Variants in UVRAG observed in about 807,000 individuals in gnomAD.
UVRAG encodes UV radiation resistance-associated gene protein.
A neutral mutation model predicts 78.0 loss-of-function variants in UVRAG; 19 were observed. The ratio of observed to expected loss-of-function variants is 0.24; its 90% confidence interval spans 0.17 to 0.36. The LOEUF (loss-of-function observed/expected upper bound fraction) is 0.36. Among genes scored for constraint, UVRAG ranks in the 10% least tolerant of loss-of-function variants. The pLI is 1.00. For synonymous variants in UVRAG, 323 were observed against 324.6 expected (o/e 1.00, Z 0.05); for missense variants, 740 against 853.8 (o/e 0.87, Z 1.66).
At chr11:75,961,399 T>C in intron 6 of UVRAG, 45 bp from the exon 7 acceptor site, 1 of 1,482,462 alleles carries the variant, frequency 6.7e-7, no homozygotes, top group Non-Finnish European at 9.1e-7. Context: ...CTTTGTTGAG[T>C]TTACTGTTAA....
intron 1 of UVRAG, among the ~76,000 whole-genome samples, chr11:75,846,863 G>A (rs1002018462): frequency 2.0e-5 from 3 of 150,998 alleles, no homozygotes; most frequent in African/African-American, 2.4e-5. Flanking sequence ...TTGCTCTGTC[G>A]CATAGGCTAT....
chr11:75,978,482 C>T (rs1565100649), intron 7 of UVRAG, among the ~76,000 whole-genome samples: 1 of 152,106 alleles, frequency 6.6e-6, no homozygotes, highest in Non-Finnish European at 1.5e-5. Flanking sequence ...TGGTTCCATC[C>T]TCCCCATCAC....
intron 6 of UVRAG, among the ~76,000 whole-genome samples, chr11:75,942,765 G>T (rs545137105): frequency 5.4e-4 from 83 of 152,294 alleles, no homozygotes; most frequent in African/African-American, 2.0e-3. Flanking sequence ...AGTTGAATAA[G>T]ATTTAGCTTG....
intron 14 of UVRAG, among the ~76,000 whole-genome samples, chr11:76,122,887 CT>C (rs1226454293): frequency 1.3e-5 from 2 of 152,210 alleles, no homozygotes; most frequent in Non-Finnish European, 2.9e-5. Flanking sequence ...AAATCTCTTA[CT>C]TGCAAAACTT....
intron 1 of UVRAG, among the ~76,000 whole-genome samples, chr11:75,838,563 G>T (rs1017985805): frequency 6.6e-5 from 10 of 151,944 alleles, no homozygotes; most frequent in Non-Finnish European, 1.2e-4. Flanking sequence ...ATGTTGCCCA[G>T]GCTGGTCTTG....
intron 5 of UVRAG, among the ~76,000 whole-genome samples, chr11:75,910,280 C>G (rs1258085485): frequency 1.3e-5 from 2 of 152,116 alleles, no homozygotes; most frequent in African/African-American, 2.4e-5. Context: ...TTATTAAATA[C>G]CTTTCATTTT....
chr11:76,021,927 A>G (rs1204751587), intron 12 of UVRAG, among the ~76,000 whole-genome samples: 3 of 152,086 alleles, frequency 2.0e-5, no homozygotes, highest in Non-Finnish European at 4.4e-5. Flanking sequence ...GGTGGTGTGC[A>G]CCTATAGTCC....
At chr11:75,898,888 A>G (rs1947417601) in intron 5 of UVRAG, among the ~76,000 whole-genome samples, 1 of 152,136 alleles carries the variant, frequency 6.6e-6, no homozygotes, top group Non-Finnish European at 1.5e-5. Flanking sequence ...AGTCATACTA[A>G]TGGATACTAA....
At chr11:75,910,711 G>C (rs1947717593) in intron 5 of UVRAG, among the ~76,000 whole-genome samples, 1 of 151,914 alleles carries the variant, frequency 6.6e-6, no homozygotes, top group Non-Finnish European at 1.5e-5. Flanking sequence ...GCAGGAGACT[G>C]GAGTTTTATC....
At chr11:75,894,802 CAAA>C (rs375833755) in intron 5 of UVRAG, among the ~76,000 whole-genome samples, 1 of 60,198 alleles carries the variant, frequency 1.7e-5, no homozygotes. Flanking sequence ...CCGTCTCTAC[CAAA>C]AAAAAAAAAA....
At chr11:76,067,131 T>C (rs1266588531) in intron 13 of UVRAG, among the ~76,000 whole-genome samples, 1 of 152,216 alleles carries the variant, frequency 6.6e-6, no homozygotes, top group Non-Finnish European at 1.5e-5. Context: ...TGTTGTTCTC[T>C]TCTGAAATTG....
At chr11:76,047,369 T>C (rs1458716575) in intron 12 of UVRAG, among the ~76,000 whole-genome samples, 2 of 152,198 alleles carry the variant, frequency 1.3e-5, no homozygotes, top group East Asian at 3.8e-4. Flanking sequence ...TGGGAGGCTG[T>C]TTTGACTTCT....
At chr11:76,112,730 C>CTTTTT (rs10686022) in intron 13 of UVRAG, among the ~76,000 whole-genome samples, 17 of 139,402 alleles carry the variant, frequency 1.2e-4, no homozygotes, top group African/African-American at 4.7e-4. Flanking sequence ...TTTTTCTTTT[C>CTTTTT]TTTTTTTTTT....
In UVRAG at chr11:76,016,112, C is replaced by T. The variant is rs563440434; in HGVS notation, c.1061-703C>T. 2.6e-5 allele frequency among the ~76,000 whole-genome samples: 4 copies of T among 152,252 alleles called. No homozygotes were observed. The East Asian group carries it at 7.7e-4, about 29-fold the overall frequency. ...GTTTAGAAAATGTAATTGTCTGTGG[C>T]TTTTTGAAAGCTAGATGCTTATGTC... On this transcript the variant is annotated intron_variant, in intron 11 of 14. Transcript: ENST00000356136.
intron 13 of UVRAG, among the ~76,000 whole-genome samples, chr11:76,081,515 A>G (rs931015360): frequency 6.6e-6 from 1 of 152,054 alleles, no homozygotes; most frequent in African/African-American, 2.4e-5. Context: ...TGGCCAAGTT[A>G]GTCTCTAATT....
intron 1 of UVRAG, among the ~76,000 whole-genome samples, chr11:75,833,536 T>G (rs1311482972): frequency 6.6e-6 from 1 of 152,170 alleles, no homozygotes; most frequent in Non-Finnish European, 1.5e-5. Flanking sequence ...CGAGACCAGC[T>G]CGGTCAGGGA....
chr11:76,091,734 T>A (rs1025405686), intron 13 of UVRAG, among the ~76,000 whole-genome samples: 14 of 152,218 alleles, frequency 9.2e-5, no homozygotes, highest in Non-Finnish European at 1.8e-4. Flanking sequence ...TTGAGCATAT[T>A]AATGATTTTT....
chr11:75,950,780 T>A (rs1271306696), intron 6 of UVRAG, among the ~76,000 whole-genome samples: 2 of 152,152 alleles, frequency 1.3e-5, no homozygotes, highest in Admixed American at 6.6e-5. Flanking sequence ...TGATTTTGAT[T>A]TTTACTTTTA....
chr11:76,067,108 T>G (rs1951204591), intron 13 of UVRAG, among the ~76,000 whole-genome samples: 1 of 152,188 alleles, frequency 6.6e-6, no homozygotes, highest in South Asian at 2.1e-4. Flanking sequence ...TTTAATTTGT[T>G]TTTTATTAAG....
Sources: gnomAD v4.1 joint callset for allele counts (sites outside exome capture counted in the v4.1 genomes callset) on GRCh38, gnomAD v4.1.1 for gene constraint, MANE v1.5 for transcripts, NCBI Gene and HGNC (gene_info 2026-07-23, HGNC 2026-07-21) for gene names.